The following GPR160 variants were observed in gnomAD, a reference collection of about 807,000 sequenced individuals.
GPR160 encodes the protein G protein-coupled receptor 160.
In GPR160, 2 loss-of-function variants were observed where a neutral mutation model predicts 2.6. That is an observed-to-expected ratio of 0.77 (90% CI 0.32 to 2.44). The LOEUF is 2.44. Among genes scored for constraint, GPR160 ranks in the 30% most tolerant of loss-of-function variants. The probability of loss-of-function intolerance (pLI) is 0.11; values close to 1 mark genes in which losing one functional copy is unlikely to be tolerated. For missense variants in GPR160, 351 were observed against 383.6 expected (o/e 0.91, Z 0.71); for synonymous variants, 130 against 132.2 (o/e 0.98, Z 0.12).
chr3:170,038,004 G>A lies in GPR160; in HGVS notation c.-533G>A, dbSNP rs1291541038. The A allele has an allele frequency of 6.6e-6, 1 of 152,318 alleles. No individual in the cohort carries two copies. The highest frequency in any genetic ancestry group is 1.5e-5 in the Non-Finnish European group (1 of 68,086). 9.4% of individuals were successfully genotyped at this position (152,318 alleles called of 1,614,324 possible). On this transcript the variant is annotated 5_prime_UTR_variant, in exon 1 of 4. Coordinates refer to ENST00000355897, the MANE Select transcript of GPR160 (RefSeq NM_014373.3). The surrounding 1 kb of genome is among the most constrained non-coding windows in gnomAD (Gnocchi z 5.3). Reference sequence around the variant, plus strand: ...CCCGTCTCTGACGCCCGCATTTCCTGGTCTGGAGCCGGCTGAGCCACAGCA... The same window carrying A: ...CCCGTCTCTGACGCCCGCATTTCCTAGTCTGGAGCCGGCTGAGCCACAGCA...
At chr3:170,080,175 A>C (rs1202694364) in intron 3 of GPR160, among the ~76,000 whole-genome samples, 2 of 152,176 alleles carry the variant, frequency 1.3e-5, no homozygotes, top group Admixed American at 6.5e-5. Context: ...TCTAGAGAAA[A>C]TTCAGGTAGC....
intron 2 of GPR160, chr3:170,062,284 CG>C: frequency 1.5e-5 from 3 of 204,612 alleles, no homozygotes; most frequent in Non-Finnish European, 2.9e-5. Context: ...GAGGCAGCAG[CG>C]GGGGTGACAG....
At chr3:170,052,226 G>A (rs1393560813) in intron 2 of GPR160, among the ~76,000 whole-genome samples, 4 of 152,186 alleles carry the variant, frequency 2.6e-5, no homozygotes, top group Non-Finnish European at 5.9e-5. Flanking sequence ...GCACTTGGCC[G>A]ACCTGTTTTA....
intron 2 of GPR160, among the ~76,000 whole-genome samples, chr3:170,078,949 C>T (rs1261751790): frequency 6.6e-6 from 1 of 152,164 alleles, no homozygotes; most frequent in Non-Finnish European, 1.5e-5. Flanking sequence ...GTTTTCTGAC[C>T]TTGAAGAGGG....
chr3:170,039,135 A>G (rs1337026328), intron 2 of GPR160, 92 bp downstream of exon 2: 1 of 152,062 alleles, frequency 6.6e-6, no homozygotes. Context: ...CAGGATTGTT[A>G]TTGCTTCGAG....
chr3:170,055,084 G>A (rs1267211911), intron 2 of GPR160, among the ~76,000 whole-genome samples: 2 of 152,214 alleles, frequency 1.3e-5, no homozygotes, highest in African/African-American at 2.4e-5. Flanking sequence ...ATAAGCCACC[G>A]TGCCCGGCCA....
chr3:170,060,991 A>G (rs1464689805), intron 2 of GPR160, among the ~76,000 whole-genome samples: 1 of 151,874 alleles, frequency 6.6e-6, no homozygotes, highest in East Asian at 2.0e-4. Context: ...AAATGTCAGT[A>G]TTGCCGGGCA....
chr3:170,054,994 A>G (rs551568332), intron 2 of GPR160, among the ~76,000 whole-genome samples: 3 of 152,104 alleles, frequency 2.0e-5, no homozygotes, highest in Non-Finnish European at 2.9e-5. Flanking sequence ...GGGTTTCACC[A>G]TGTTGGCCAG....
At chr3:170,043,792 T>A (rs1559980620) in intron 2 of GPR160, among the ~76,000 whole-genome samples, 1 of 151,814 alleles carries the variant, frequency 6.6e-6, no homozygotes. Context: ...CGGGCCAGCA[T>A]AGAGCTTAAA....
At chr3:170,064,290 G>A (rs1317115022) in intron 2 of GPR160, among the ~76,000 whole-genome samples, 2 of 152,150 alleles carry the variant, frequency 1.3e-5, no homozygotes, top group East Asian at 3.9e-4. Flanking sequence ...CACGGCTCCT[G>A]CGAGGTCGCA....
intron 2 of GPR160, among the ~76,000 whole-genome samples, chr3:170,064,514 C>CTTTTCTTTTCTT (rs1273500686): frequency 1.2e-5 from 1 of 81,038 alleles, no homozygotes; most frequent in East Asian, 4.2e-4. Flanking sequence ...CTTTTCTTTT[C>CTTTTCTTTTCTT]TTTTTTTTTT....
rs1713376555 is a variant in GPR160, at chr3:170,085,263, T to C, written c.*274T>C. Reference sequence around the variant, plus strand: ...ACACAAAAAGTGATAAGAGTTAACATTTGGCTATACTGATGTTTGTGTTAC... The same window carrying C: ...ACACAAAAAGTGATAAGAGTTAACACTTGGCTATACTGATGTTTGTGTTAC... On this transcript the variant is annotated 3_prime_UTR_variant, in exon 4 of 4. Coordinates refer to ENST00000355897, the MANE Select transcript of GPR160 (RefSeq NM_014373.3). The C allele has an allele frequency of 4.5e-6, 1 of 223,508 alleles. No individual in the cohort carries two copies. The highest frequency in any genetic ancestry group is 2.3e-5 in the African/African-American group (1 of 43,640). The allele number at this position is 223,508 out of a possible 1,614,324, so 13.8% of individuals were successfully genotyped here.
intron 2 of GPR160, chr3:170,063,045 C>T (rs1185859486): frequency 1.1e-5 from 2 of 175,920 alleles, no homozygotes; most frequent in African/African-American, 4.8e-5. Context: ...AGGGAGACTC[C>T]AGCTCAAAAT....
rs541703156 is a variant in GPR160, at chr3:170,043,867, C to T, written c.-193+4824C>T. On this transcript the variant is annotated intron_variant, in intron 2 of 3. Transcript: ENST00000355897. ...AATATTCTGCCCTAACGATTCCCAA[C>T]GGCAATACTAGAGCAGCTGCCTCTT... is the stretch of plus-strand genomic sequence containing the variant. 4.6e-5 allele frequency among the ~76,000 whole-genome samples: 7 copies of T among 151,966 alleles called. 1 individual carries two copies. Among genetic ancestry groups the T allele is most frequent in the Admixed American group, 1.3e-4 (2 of 15,262 alleles).
At chr3:170,069,610 T>G (rs528967833) in intron 2 of GPR160, among the ~76,000 whole-genome samples, 35 of 152,176 alleles carry the variant, frequency 2.3e-4, no homozygotes, top group African/African-American at 8.2e-4. Flanking sequence ...TTATGAAAAT[T>G]TTCAAACATA....
chr3:170,077,485 CA>C (rs1228768887), intron 2 of GPR160: 1 of 152,130 alleles, frequency 6.6e-6, no homozygotes, highest in African/African-American at 2.4e-5. Context: ...CGGAAGGCTT[CA>C]GGGGAGAATA....
At chr3:170,081,816 A>G (rs1713143148) in intron 3 of GPR160, among the ~76,000 whole-genome samples, 1 of 152,108 alleles carries the variant, frequency 6.6e-6, no homozygotes, top group African/African-American at 2.4e-5. Context: ...ATAAGTGAAA[A>G]CATGCGGTAT....
chr3:170,052,278 A>G (rs1306375254), intron 2 of GPR160, among the ~76,000 whole-genome samples: 2 of 152,244 alleles, frequency 1.3e-5, no homozygotes, highest in Non-Finnish European at 2.9e-5. Context: ...GTACTGGATC[A>G]TAGGATAAGC....
chr3:170,062,947 C>T, intron 2 of GPR160: 1 of 308,844 alleles, frequency 3.2e-6, no homozygotes, highest in Non-Finnish European at 6.1e-6. Flanking sequence ...CGGAGATCAC[C>T]GACGCCACGG....
Sources: allele counts gnomAD v4.1 joint callset (sites outside exome capture counted in the v4.1 genomes callset), GRCh38; gene constraint gnomAD v4.1.1; non-coding constraint Gnocchi (gnomAD v3.1); transcripts MANE v1.5; gene names NCBI Gene and HGNC (gene_info 2026-07-23, HGNC 2026-07-21).